Variants in LRRC4C observed in about 807,000 individuals in gnomAD.
The protein encoded by LRRC4C is leucine rich repeat containing 4C.
A neutral mutation model predicts 33.6 loss-of-function variants in LRRC4C; 5 were observed. The ratio of observed to expected loss-of-function variants is 0.15; its 90% CI spans 0.08 to 0.31. The LOEUF is 0.31. LRRC4C is among the 10% of genes least tolerant of loss of function. LRRC4C has a pLI of 1.00. For missense variants in LRRC4C, 560 were observed against 796.7 expected (o/e 0.70, Z 3.58); for synonymous variants, 329 against 302.0 (o/e 1.09, Z -0.93).
intron 1 of LRRC4C, among the ~76,000 whole-genome samples, chr11:40,990,231 T>TGATATA (rs1555030574): frequency 6.4e-5 from 5 of 78,244 alleles, no homozygotes; most frequent in African/African-American, 2.2e-4. Flanking sequence ...ATGTCAAGTT[T>TGATATA]TATATATATA....
At chr11:40,449,858 C>T (rs763251810) in intron 3 of LRRC4C, among the ~76,000 whole-genome samples, 7 of 152,124 alleles carry the variant, frequency 4.6e-5, no homozygotes, top group Middle Eastern at 3.2e-3. Flanking sequence ...TGAAAGCTTG[C>T]TATCTGGAGA....
intron 1 of LRRC4C, among the ~76,000 whole-genome samples, chr11:41,327,092 T>C (rs1951145327): frequency 6.6e-6 from 1 of 152,180 alleles, no homozygotes; most frequent in Non-Finnish European, 1.5e-5. Flanking sequence ...GAGGATTTAA[T>C]TGGGTCAAAC....
intron 2 of LRRC4C, among the ~76,000 whole-genome samples, chr11:40,732,867 C>A (rs971436778): frequency 6.6e-6 from 1 of 151,928 alleles, no homozygotes; most frequent in Admixed American, 6.6e-5. Flanking sequence ...ATATTTTAAC[C>A]ATTTGTGGAT....
intron 2 of LRRC4C, among the ~76,000 whole-genome samples, chr11:40,772,226 G>T (rs1208504827): frequency 1.3e-5 from 2 of 152,162 alleles, no homozygotes; most frequent in South Asian, 4.1e-4. Context: ...CATGGTGGGA[G>T]GAGAGAGAAG....
Position 40,324,466 on chromosome 11 carries a change from C to T in LRRC4C, c.-269-4745G>A, listed in dbSNP as rs140491508. The stretch of plus-strand genomic sequence containing the variant: ...CCAAATCTCATGGCGTTCCTTTTGA[C>T]GGTGAAATGAAATGGGCAATGAAAG... On this transcript the variant is annotated intron_variant, in intron 3 of 6. Transcript: ENST00000528697. 7.9e-5 allele frequency among the ~76,000 whole-genome samples: 12 copies of T among 152,148 alleles called. No individual in the cohort carries two copies. The East Asian group carries it at 1.9e-3, about 25-fold the overall frequency.
At chr11:40,285,779 T>C (rs1261088312) in intron 4 of LRRC4C, among the ~76,000 whole-genome samples, 1 of 152,172 alleles carries the variant, frequency 6.6e-6, no homozygotes, top group Non-Finnish European at 1.5e-5. Flanking sequence ...ATTGAGTACC[T>C]GGTTACATAA....
intron 3 of LRRC4C, among the ~76,000 whole-genome samples, chr11:40,354,809 G>A (rs146195285): frequency 6.6e-6 from 1 of 152,062 alleles, no homozygotes; most frequent in Non-Finnish European, 1.5e-5. Context: ...GACTCCAGGA[G>A]CCCATTTAGT....
At chr11:40,628,634 A>G (rs1963189506) in intron 3 of LRRC4C, among the ~76,000 whole-genome samples, 1 of 152,192 alleles carries the variant, frequency 6.6e-6, no homozygotes, top group Non-Finnish European at 1.5e-5. Flanking sequence ...TGCTTTGTAA[A>G]TTGTCAAGTG....
intron 5 of LRRC4C, among the ~76,000 whole-genome samples, chr11:40,174,159 A>G (rs1043236916): frequency 6.6e-6 from 1 of 152,198 alleles, no homozygotes; most frequent in African/African-American, 2.4e-5. Context: ...AAAATGAAAT[A>G]CATGCTAGAT....
chr11:40,800,197 C>T (rs76925621), intron 2 of LRRC4C, among the ~76,000 whole-genome samples: 1 of 152,270 alleles, frequency 6.6e-6, no homozygotes, highest in East Asian at 1.9e-4. Flanking sequence ...GGTGTCTTCA[C>T]CTTACATCTG....
intron 2 of LRRC4C, among the ~76,000 whole-genome samples, chr11:40,772,857 A>T (rs187042840): frequency 6.6e-6 from 1 of 152,332 alleles, no homozygotes; most frequent in Admixed American, 6.5e-5. Flanking sequence ...AGGTATATAC[A>T]CAAAACAAAG....
chr11:40,617,275 G>A (rs1961957487), intron 3 of LRRC4C, among the ~76,000 whole-genome samples: 2 of 151,726 alleles, frequency 1.3e-5, no homozygotes, highest in Non-Finnish European at 3.0e-5. Flanking sequence ...AGATAGCAAA[G>A]AAGGAAGGTT....
chr11:41,358,660 C>G (rs1051499802), intron 1 of LRRC4C, among the ~76,000 whole-genome samples: 1 of 152,034 alleles, frequency 6.6e-6, no homozygotes, highest in Non-Finnish European at 1.5e-5. Flanking sequence ...CAGAGAAATG[C>G]AAATTAAAAC....
intron 5 of LRRC4C, among the ~76,000 whole-genome samples, chr11:40,188,197 A>C (rs1861560191): frequency 6.6e-6 from 1 of 152,224 alleles, no homozygotes; most frequent in Admixed American, 6.5e-5. Flanking sequence ...CTGAACCTTG[A>C]ATTATTTTTC....
chr11:40,571,412 GAA>G (rs1478338607), intron 3 of LRRC4C, among the ~76,000 whole-genome samples: 1 of 152,014 alleles, frequency 6.6e-6, no homozygotes, highest in Non-Finnish European at 1.5e-5. Flanking sequence ...CACTGTCATA[GAA>G]CAGAATTCCT....
intron 1 of LRRC4C, among the ~76,000 whole-genome samples, chr11:41,318,413 A>G (rs1338428461): frequency 6.6e-6 from 1 of 152,210 alleles, no homozygotes; most frequent in Non-Finnish European, 1.5e-5. Flanking sequence ...ATTCTACTGT[A>G]TTGGACTTAA....
intron 1 of LRRC4C, among the ~76,000 whole-genome samples, chr11:41,393,329 T>C (rs554256875): frequency 7.9e-5 from 12 of 151,970 alleles, no homozygotes; most frequent in East Asian, 3.9e-4. Context: ...AAGGCCTTTT[T>C]CCTTTGAGAT....
In LRRC4C at chr11:41,188,338, A is replaced by G. The variant is rs116137204; in HGVS notation, c.-495-254615T>C. Among the ~76,000 whole-genome samples, 475 of 152,258 alleles carry G rather than the reference A, an allele frequency of 3.1e-3. 2 individuals are homozygous for G. The highest frequency in any genetic ancestry group is 0.011 in the African/African-American group (450 of 41,552). On this transcript the variant is annotated intron_variant, in intron 1 of 6. Transcript: ENST00000528697. ...ATGTCTCCTCTAAGTAAGCAACTAA[A>G]AAAATAATTACTCTTCAATAATACA...
chr11:40,126,942 A>C (rs904577914), intron 6 of LRRC4C, among the ~76,000 whole-genome samples: 1 of 151,368 alleles, frequency 6.6e-6, no homozygotes, highest in African/African-American at 2.4e-5. Flanking sequence ...CCTGGGTGAC[A>C]GAGCGAAACT....
Sources: allele counts gnomAD v4.1 joint callset (sites outside exome capture counted in the v4.1 genomes callset), GRCh38; gene constraint gnomAD v4.1.1; transcripts MANE v1.5; gene names NCBI Gene and HGNC (gene_info 2026-07-23, HGNC 2026-07-21).